Variants in CA8 observed in about 807,000 individuals in gnomAD.
CA8 encodes the protein carbonic anhydrase-related protein.
In CA8, 22 loss-of-function variants were observed where a neutral mutation model predicts 41.4. The observed-to-expected ratio is 0.53, with a 90% CI of 0.38 to 0.76. The LOEUF (loss-of-function observed/expected upper bound fraction) is 0.76, where lower values mean the gene tolerates loss of function less well. Among genes scored for constraint, CA8 ranks in the 30% least tolerant of loss-of-function variants. The pLI is 0.00. For missense variants in CA8, 270 were observed against 352.8 expected (o/e 0.77, Z 1.88); for synonymous variants, 121 against 130.6 (o/e 0.93, Z 0.50).
In CA8 at chr8:60,215,265, A is replaced by G. The variant is rs528789976; in HGVS notation, c.739-6346T>C. On this transcript the variant is annotated intron_variant, in intron 7 of 8. Coordinates refer to ENST00000317995, the MANE Select transcript of CA8 (RefSeq NM_004056.6). ...GACAATCCAGCTGATTGGCTTCCGAATGCTTAGACGGTTGTTTATATTACA... is the reference window on the plus strand; with the variant it reads ...GACAATCCAGCTGATTGGCTTCCGAGTGCTTAGACGGTTGTTTATATTACA... Among the ~76,000 whole-genome samples, 4 of 152,152 alleles carry G rather than the reference A, an allele frequency of 2.6e-5. No homozygotes were observed. In the East Asian group the frequency reaches 5.8e-4, roughly 22 times the overall value.
At chr8:60,257,381 AAC>A (rs1808676068) in intron 3 of CA8, among the ~76,000 whole-genome samples, 1 of 152,344 alleles carries the variant, frequency 6.6e-6, no homozygotes, top group Middle Eastern at 3.4e-3. Context: ...AAAAACAGGA[AAC>A]ACAGCAGGGT....
Position 60,189,480 on chromosome 8 carries a change from G to A in CA8, c.*541C>T, listed in dbSNP as rs1032554883. Reference sequence around the variant, plus strand: ...CAGCCTAATATTAATTGTGGTATGGGTGCTGAAAAAATAAAATGAGACATA... The same window carrying A: ...CAGCCTAATATTAATTGTGGTATGGATGCTGAAAAAATAAAATGAGACATA... On this transcript the variant is annotated 3_prime_UTR_variant, in exon 9 of 9. Coordinates refer to ENST00000317995, the MANE Select transcript of CA8 (RefSeq NM_004056.6). The A allele has an allele frequency of 5.3e-5, 8 of 152,154 alleles. No homozygotes were observed. Among genetic ancestry groups the A allele is most frequent in the South Asian group, 4.2e-4 (2 of 4,816 alleles). 9.4% of individuals were successfully genotyped at this position (152,154 alleles called of 1,614,324 possible).
At chr8:60,267,036 C>T (rs535895940) in intron 2 of CA8, among the ~76,000 whole-genome samples, 1 of 152,302 alleles carries the variant, frequency 6.6e-6, no homozygotes, top group South Asian at 2.1e-4. Context: ...TTGAGGAGGA[C>T]ATAACAGATT....
chr8:60,220,769 C>T (rs1807216151), intron 7 of CA8, among the ~76,000 whole-genome samples: 1 of 152,090 alleles, frequency 6.6e-6, no homozygotes, highest in Admixed American at 6.5e-5. Flanking sequence ...GAATGCACTT[C>T]CCAGCCTCCC....
intron 8 of CA8, among the ~76,000 whole-genome samples, chr8:60,192,945 A>G (rs919640332): frequency 2.7e-5 from 4 of 145,738 alleles, no homozygotes; most frequent in Admixed American, 6.8e-5. Context: ...ATGCACACAC[A>G]CACACACACA....
At chr8:60,199,656 C>A (rs1399594800) in intron 8 of CA8, among the ~76,000 whole-genome samples, 1 of 151,924 alleles carries the variant, frequency 6.6e-6, no homozygotes, top group East Asian at 1.9e-4. Context: ...GGAGAAATCT[C>A]CATATTATCC....
chr8:60,235,607 T>C (rs1807802848), intron 3 of CA8, among the ~76,000 whole-genome samples: 1 of 152,338 alleles, frequency 6.6e-6, no homozygotes, highest in Admixed American at 6.5e-5. Flanking sequence ...TTTATCATAT[T>C]GTGCCTTATA....
intron 3 of CA8, among the ~76,000 whole-genome samples, chr8:60,239,566 C>T (rs1328764693): frequency 6.6e-6 from 1 of 152,180 alleles, no homozygotes; most frequent in Admixed American, 6.5e-5. Flanking sequence ...TATTCAAAGC[C>T]ATCCTGGGCT....
At chr8:60,212,126 C>T (rs1219538335) in intron 7 of CA8, among the ~76,000 whole-genome samples, 1 of 152,206 alleles carries the variant, frequency 6.6e-6, no homozygotes, top group East Asian at 1.9e-4. Context: ...TCTGAAGGTA[C>T]TAGATTCAAC....
At chr8:60,195,150 A>C (rs973310479) in intron 8 of CA8, among the ~76,000 whole-genome samples, 5 of 152,224 alleles carry the variant, frequency 3.3e-5, no homozygotes, top group African/African-American at 1.2e-4. Context: ...CTTACTCATA[A>C]AGAGAAATTT....
chr8:60,198,738 T>C (rs1303625623), intron 8 of CA8, among the ~76,000 whole-genome samples: 1 of 152,164 alleles, frequency 6.6e-6, no homozygotes, highest in Admixed American at 6.6e-5. Flanking sequence ...ACTATTATAA[T>C]GAGAGAAGGT....
chr8:60,192,586 C>G (rs181595637), intron 8 of CA8, among the ~76,000 whole-genome samples: 2 of 152,042 alleles, frequency 1.3e-5, no homozygotes, highest in African/African-American at 4.8e-5. Context: ...TCATCTGTTC[C>G]GTATTCCCAA....
At chr8:60,236,763 A>G (rs1473495384) in intron 3 of CA8, among the ~76,000 whole-genome samples, 1 of 152,232 alleles carries the variant, frequency 6.6e-6, no homozygotes, top group Non-Finnish European at 1.5e-5. Context: ...TAATATAAAT[A>G]CATATTAGTG....
chr8:60,213,160 C>G (rs72663296), intron 7 of CA8, among the ~76,000 whole-genome samples: 11,436 of 152,248 alleles, frequency 0.075, 573 homozygotes, highest in Non-Finnish European at 0.11. Context: ...CATTCATAAA[C>G]CAACTCTCAC....
intron 8 of CA8, among the ~76,000 whole-genome samples, chr8:60,198,313 T>C (rs913707892): frequency 1.3e-5 from 2 of 152,228 alleles, no homozygotes; most frequent in South Asian, 4.1e-4. Flanking sequence ...TACAGCATCA[T>C]GTCTGAAATA....
intron 8 of CA8, among the ~76,000 whole-genome samples, chr8:60,198,491 T>G (rs1008646983): frequency 6.6e-6 from 1 of 152,182 alleles, no homozygotes; most frequent in Non-Finnish European, 1.5e-5. Flanking sequence ...TTAGGATACT[T>G]TGACACTTTC....
At chr8:60,215,539 C>T (rs1481086446) in intron 7 of CA8, among the ~76,000 whole-genome samples, 1 of 152,000 alleles carries the variant, frequency 6.6e-6, no homozygotes, top group East Asian at 1.9e-4. Context: ...CCAAATACCA[C>T]CTGTTCCCTA....
At chr8:60,229,905 C>T (rs1358417638) in intron 4 of CA8, among the ~76,000 whole-genome samples, 1 of 152,306 alleles carries the variant, frequency 6.6e-6, no homozygotes, top group East Asian at 1.9e-4. Flanking sequence ...TCTGATGGAT[C>T]AACACGACTT....
At chr8:60,194,564 C>T (rs1806225652) in intron 8 of CA8, among the ~76,000 whole-genome samples, 1 of 152,162 alleles carries the variant, frequency 6.6e-6, no homozygotes, top group African/African-American at 2.4e-5. Context: ...TCTTAATCAT[C>T]TCCAGAAGAC....
Sources: gnomAD v4.1 joint callset for allele counts (sites outside exome capture counted in the v4.1 genomes callset) on GRCh38, gnomAD v4.1.1 for gene constraint, MANE v1.5 for transcripts, NCBI Gene and HGNC (gene_info 2026-07-23, HGNC 2026-07-21) for gene names.